HRH1: variants seen among roughly 807,000 people sequenced by gnomAD.
The protein encoded by HRH1 is histamine receptor H1, also known as histamine H1 receptor.
A neutral mutation model predicts 10.3 loss-of-function variants in HRH1; 6 were observed. That is an observed-to-expected ratio of 0.58 (90% CI 0.32 to 1.15). The LOEUF is 1.15. Ranked by LOEUF, HRH1 falls within the 50% of genes most tolerant of loss-of-function variation. The pLI is 0.05. For missense variants in HRH1, 514 were observed against 615.3 expected, an observed-to-expected ratio of 0.84 and a Z score of 1.74; for synonymous variants, 242 against 236.7, an observed-to-expected ratio of 1.02 and a Z score of -0.21.
At position 11,260,445 on chromosome 3, in the gene HRH1, T is replaced by A; in HGVS notation, c.1408T>A (p.Leu470Met). The change falls in exon 2 of 2, where the codon TTG (leucine) becomes ATG (methionine). Residue 470 changes from leucine (L) to methionine (M), a missense_variant. Physicochemically the swap from Leu to Met is conservative, Grantham distance 15 (BLOSUM62 2). Coordinates refer to ENST00000431010, the MANE Select transcript of HRH1 (RefSeq NM_001098212.2). ...CACACTGAACCCCCTCATCTACCCC[T>A]TGTGCAATGAGAACTTCAAGAAGAC... Reference protein sequence around the residue: ...NSTLNPLIYPLCNENFKKTFK... With the variant: ...NSTLNPLIYPMCNENFKKTFK... 1 of 1,612,804 alleles carries A rather than the reference T, an allele frequency of 6.2e-7. No individual in the cohort carries two copies. Among genetic ancestry groups the A allele is most frequent in the Non-Finnish European group, 8.5e-7 (1 of 1,179,262 alleles).
chr3:11,222,336 T>C (rs1938735163), intron 1 of HRH1, among the ~76,000 whole-genome samples: 1 of 152,248 alleles, frequency 6.6e-6, no homozygotes, highest in Non-Finnish European at 1.5e-5. Flanking sequence ...AAACTATGAT[T>C]ATTTTTCCAT....
In HRH1 at chr3:11,260,887, A is replaced by G; in HGVS notation, c.*386A>G. On this transcript the variant is annotated 3_prime_UTR_variant, in exon 2 of 2. Transcript: ENST00000431010. ...AGCTTTCCGAGTCAAGTGATTGACA[A>G]CTGAAGAGACACGTGGCTAGGGTTC... is the stretch of plus-strand genomic sequence containing the variant. 1 of 196,778 alleles carries G rather than the reference A, an allele frequency of 5.1e-6. No individual in the cohort carries two copies. The allele number at this position is 196,778 out of a possible 1,614,324, so 12.2% of individuals were successfully genotyped here.
At chr3:11,187,356 T>C (rs1937466716) in intron 1 of HRH1, among the ~76,000 whole-genome samples, 1 of 152,046 alleles carries the variant, frequency 6.6e-6, no homozygotes, top group South Asian at 2.1e-4. Context: ...GTAATTTTTT[T>C]TTCTTTTAAC....
chr3:11,149,714 G>A (rs1185732546), upstream of HRH1, among the ~76,000 whole-genome samples: 1 of 152,210 alleles, frequency 6.6e-6, no homozygotes, highest in African/African-American at 2.4e-5. Flanking sequence ...TCACAGGACC[G>A]CAAAGACAAA....
intron 1 of HRH1, among the ~76,000 whole-genome samples, chr3:11,250,407 G>C (rs1210018788): frequency 1.3e-5 from 2 of 151,860 alleles, no homozygotes; most frequent in African/African-American, 4.8e-5. Context: ...TTTGGAGAGG[G>C]GTACCCGGGT....
intron 1 of HRH1, among the ~76,000 whole-genome samples, chr3:11,139,372 CGG>C (rs1041269004): frequency 6.6e-6 from 1 of 151,898 alleles, no homozygotes; most frequent in Non-Finnish European, 1.5e-5. Context: ...CTCCGCCTCC[CGG>C]GTTCAAGCAA....
At chr3:11,232,865 T>C (rs1394970084) in intron 1 of HRH1, among the ~76,000 whole-genome samples, 1 of 152,356 alleles carries the variant, frequency 6.6e-6, no homozygotes, top group East Asian at 1.9e-4. Context: ...TTGATTTCCC[T>C]TTATTCCTTA....
At chr3:11,192,862 G>A (rs1281414457) in intron 1 of HRH1, among the ~76,000 whole-genome samples, 4 of 152,004 alleles carry the variant, frequency 2.6e-5, no homozygotes, top group Admixed American at 2.0e-4. Flanking sequence ...TCATCCATCA[G>A]AGCTGGGCCT....
At chr3:11,240,875 T>C (rs939872769) in intron 1 of HRH1, among the ~76,000 whole-genome samples, 1 of 152,202 alleles carries the variant, frequency 6.6e-6, no homozygotes, top group African/African-American at 2.4e-5. Context: ...TGTTCTGACT[T>C]ACTTGACTAG....
upstream of HRH1, among the ~76,000 whole-genome samples, chr3:11,153,160 C>T (rs1364697077): frequency 6.6e-6 from 1 of 152,158 alleles, no homozygotes; most frequent in Non-Finnish European, 1.5e-5. Context: ...AGTTCTCCTA[C>T]ATGTGACCTT....
At chr3:11,249,527 A>G (rs1181302079) in intron 1 of HRH1, among the ~76,000 whole-genome samples, 1 of 152,074 alleles carries the variant, frequency 6.6e-6, no homozygotes, top group East Asian at 1.9e-4. Flanking sequence ...TTCTGCTCCT[A>G]CCATAAAAAT....
chr3:11,188,668 T>C (rs1302126081), intron 1 of HRH1, among the ~76,000 whole-genome samples: 1 of 152,170 alleles, frequency 6.6e-6, no homozygotes, highest in Non-Finnish European at 1.5e-5. Context: ...CAACAATAAG[T>C]TAATGGTTAA....
At chr3:11,196,953 C>CA (rs35134148) in intron 1 of HRH1, among the ~76,000 whole-genome samples, 30,771 of 110,100 alleles carry the variant, frequency 0.28, 3,863 homozygotes, top group East Asian at 0.43. Context: ...ACTAAAAATA[C>CA]AAAAAAAAAA....
At chr3:11,228,674 T>C (rs1260435758) in intron 1 of HRH1, among the ~76,000 whole-genome samples, 2 of 152,078 alleles carry the variant, frequency 1.3e-5, no homozygotes, top group Admixed American at 1.3e-4. Flanking sequence ...TCCAATACTT[T>C]GGGAGGCCGA....
In HRH1 at chr3:11,260,620, CT is replaced by C; in HGVS notation, c.*121del. The C allele has an allele frequency of 1.1e-6, 1 of 891,848 alleles. No homozygotes were observed. The highest frequency in any genetic ancestry group is 1.8e-6 in the Non-Finnish European group (1 of 567,646). The allele number at this position is 891,848 out of a possible 1,614,324, so 55.2% of individuals were successfully genotyped here. A position where few individuals can be genotyped will look rare whatever the true frequency, so the allele number is the denominator to read the frequency against. On this transcript the variant is annotated 3_prime_UTR_variant, in exon 2 of 2. Coordinates refer to ENST00000431010, the MANE Select transcript of HRH1 (RefSeq NM_001098212.2). ...GGCTTTCTGGAATCCAAACCACAGT[CT>C]TAGGGGCTTGGTAGTTTGGAAAGTT...
intron 1 of HRH1, among the ~76,000 whole-genome samples, chr3:11,235,787 T>C (rs1446704532): frequency 6.6e-6 from 1 of 152,258 alleles, no homozygotes; most frequent in African/African-American, 2.4e-5. Flanking sequence ...ACAGTGTTTT[T>C]CTATGGTGTT....
At chr3:11,249,260 G>A (rs1575042212) in intron 1 of HRH1, among the ~76,000 whole-genome samples, 1 of 151,990 alleles carries the variant, frequency 6.6e-6, no homozygotes, top group Non-Finnish European at 1.5e-5. Flanking sequence ...AAAATTAGCT[G>A]GGCATGGTGG....
chr3:11,237,342 T>G (rs1193885466), intron 1 of HRH1, among the ~76,000 whole-genome samples: 2 of 152,182 alleles, frequency 1.3e-5, no homozygotes, highest in East Asian at 3.8e-4. Flanking sequence ...TTTCCCTCTC[T>G]TCACAATGGA....
chr3:11,212,462 G>A (rs1938359384), intron 1 of HRH1, among the ~76,000 whole-genome samples: 1 of 152,142 alleles, frequency 6.6e-6, no homozygotes, highest in African/African-American at 2.4e-5. Flanking sequence ...GGGCAGGCCT[G>A]GAAAATCTAC....
Sources: gnomAD v4.1 joint callset for allele counts (sites outside exome capture counted in the v4.1 genomes callset) on GRCh38, gnomAD v4.1.1 for gene constraint, MANE v1.5 for transcripts, NCBI Gene and HGNC (gene_info 2026-07-23, HGNC 2026-07-21) for gene names.